Variants in UVSSA observed in about 807,000 individuals in gnomAD.
The protein encoded by UVSSA is UV-stimulated scaffold protein A.
UVSSA carries 72 observed loss-of-function variants against 73.9 expected under a neutral mutation model. The ratio of observed to expected loss-of-function variants is 0.97; its 90% CI spans 0.81 to 1.19. UVSSA has a LOEUF of 1.19. UVSSA is among the 50% of genes most tolerant of loss of function. UVSSA has a pLI of 0.00. For synonymous variants in UVSSA, 454 were observed against 391.3 expected, an observed-to-expected ratio of 1.16 and a Z score of -1.89; for missense variants, 1,150 against 965.0, an observed-to-expected ratio of 1.19 and a Z score of -2.54.
At position 1,353,258 on chromosome 4, in the gene UVSSA, C is replaced by G; in HGVS notation, c.779C>G (p.Ser260Cys). 1 of 1,611,648 alleles carries G rather than the reference C, an allele frequency of 6.2e-7. No homozygotes were observed. Among genetic ancestry groups the G allele is most frequent in the Non-Finnish European group, 8.5e-7 (1 of 1,179,848 alleles). Residue 260 changes from serine to cysteine, a missense_variant, in exon 5 of 14, where the codon TCT (serine) becomes TGT (cysteine). Ser to Cys is a moderately radical substitution (Grantham distance 112). Coordinates refer to ENST00000389851, the MANE Select transcript of UVSSA (RefSeq NM_020894.4). ...QPCCSRDLPA[S>C]AGHPRAGGGA... ...TGCTGCAGTAGAGACCTGCCTGCCT[C>G]TGCAGGCCACCCCAGAGCGGGCGGC...
chr4:1,343,679 C>T (rs1166710522), upstream of UVSSA, among the ~76,000 whole-genome samples: 2 of 151,946 alleles, frequency 1.3e-5, no homozygotes, highest in African/African-American at 2.4e-5. Context: ...CCCAGCTACT[C>T]GGGAGGCTGA....
At chr4:1,347,870 AGAGGTCCC>A (rs1380711436) in intron 1 of UVSSA, 110 bp downstream of exon 1, 19 of 543,436 alleles carry the variant, frequency 3.5e-5, no homozygotes, top group Middle Eastern at 4.9e-4. Context: ...ACGGGATTGT[AGAGGTCCC>A]GAGTTTAAGG....
intron 10 of UVSSA, among the ~76,000 whole-genome samples, chr4:1,378,666 T>C (rs1298263975): frequency 6.6e-6 from 1 of 151,966 alleles, no homozygotes; most frequent in Non-Finnish European, 1.5e-5. Flanking sequence ...GGCTCCTGAG[T>C]GTTCTCACTG....
Position 1,387,379 on chromosome 4 carries a change from T to C in UVSSA, c.*1418T>C, listed in dbSNP as rs529435826. 3.9e-5 allele frequency: 6 copies of C among 152,340 alleles called. No homozygotes were observed. Among genetic ancestry groups the C allele is most frequent in the African/African-American group, 1.4e-4 (6 of 41,580 alleles). The allele number at this position is 152,340 out of a possible 1,614,324, so 9.4% of individuals were successfully genotyped here. On this transcript the variant is annotated 3_prime_UTR_variant, in exon 14 of 14. Transcript: ENST00000389851. ...GTGTGAGCCACCGCACTCAGCTGATTTGCAAAAACTTTCTTCCATACTGTT... is the reference window on the plus strand; with the variant it reads ...GTGTGAGCCACCGCACTCAGCTGATCTGCAAAAACTTTCTTCCATACTGTT...
At chr4:1,381,087 T>G in intron 12 of UVSSA, 99 bp downstream of exon 12, 5 of 1,147,978 alleles carry the variant, frequency 4.4e-6, no homozygotes, top group Non-Finnish European at 6.2e-6. Flanking sequence ...GCACCCGCTC[T>G]GCCAGCTTCG....
intron 4 of UVSSA, among the ~76,000 whole-genome samples, chr4:1,352,495 T>A (rs112094038): frequency 1.5e-4 from 23 of 152,304 alleles, no homozygotes; most frequent in African/African-American, 5.3e-4. Context: ...AGGTGTGGCA[T>A]GAACGAGGCT....
At chr4:1,359,891 G>A (rs1488364058) in intron 7 of UVSSA, among the ~76,000 whole-genome samples, 1 of 152,180 alleles carries the variant, frequency 6.6e-6, no homozygotes, top group Non-Finnish European at 1.5e-5. Flanking sequence ...CCCTGGGATC[G>A]AGGCCCCACC....
At chr4:1,384,328 G>A (rs1719857179) in intron 13 of UVSSA, 1 of 227,558 alleles carries the variant, frequency 4.4e-6, no homozygotes, top group African/African-American at 2.3e-5. Context: ...TGACTTCAGG[G>A]AGGGCGATGA....
upstream of UVSSA, among the ~76,000 whole-genome samples, chr4:1,347,033 G>A (rs1181360858): frequency 3.9e-5 from 6 of 152,210 alleles, no homozygotes; most frequent in Non-Finnish European, 8.8e-5. Flanking sequence ...CTAGGGGGCG[G>A]GGCCTTGACC....
intron 5 of UVSSA, among the ~76,000 whole-genome samples, chr4:1,354,009 G>A (rs1042626785): frequency 3.3e-5 from 5 of 152,204 alleles, no homozygotes; most frequent in African/African-American, 9.7e-5. Context: ...GTGGAGGCTG[G>A]GGCCCTTTGC....
At position 1,348,160 on chromosome 4, in the gene UVSSA, G is replaced by C. The variant is rs1289531876; in HGVS notation, c.69G>C (p.Glu23Asp). 6.2e-7 allele frequency: 1 copy of C among 1,613,784 alleles called. No individual in the cohort carries two copies. Among genetic ancestry groups the C allele is most frequent in the African/African-American group, 1.3e-5 (1 of 74,922 alleles). The change falls in exon 2 of 14, where the codon GAG (glutamate) becomes GAC (aspartate). Residue 23 changes from glutamate (E) to aspartate (D), a missense_variant. Transcript: ENST00000389851. ...TTSGEPRLNPEKMKELKKICK... is the reference protein window; with the variant it reads ...TTSGEPRLNPDKMKELKKICK... ...CAGGAGAACCCCGACTAAATCCTGA[G>C]AAAATGAAGGAACTGAAGAAAATTT...
Position 1,355,251 on chromosome 4 carries a change from T to C in UVSSA, c.1176+6T>C, listed in dbSNP as rs1009639178. 4.4e-6 allele frequency: 7 copies of C among 1,578,304 alleles called. No individual in the cohort carries two copies. In the Admixed American group the frequency reaches 5.2e-5, roughly 12 times the overall value. ...AGGGAGGGGAAAGGCGCAGGGTGAG[T>C]GGGCAGGCGGCGAGCGGGAAGGGGT... On this transcript the variant is annotated splice_donor_region_variant and intron_variant, in intron 7 of 13. Coordinates refer to ENST00000389851, the MANE Select transcript of UVSSA (RefSeq NM_020894.4).
downstream of UVSSA, chr4:1,391,829 AGTGT>A (rs926611129): frequency 1.3e-5 from 2 of 152,194 alleles, no homozygotes; most frequent in Non-Finnish European, 2.9e-5. Context: ...CTGAATCAAA[AGTGT>A]GTTTCTTGTA....
downstream of UVSSA, chr4:1,390,091 A>G (rs182904109): frequency 1.3e-5 from 2 of 152,146 alleles, no homozygotes; most frequent in African/African-American, 4.8e-5. Context: ...AATCTTTTTC[A>G]TATAGACATT....
At chr4:1,346,762 C>T (rs1024958596), upstream of UVSSA, among the ~76,000 whole-genome samples, 2 of 152,118 alleles carry the variant, frequency 1.3e-5, no homozygotes, top group African/African-American at 4.8e-5. Context: ...GCGGGCGTGG[C>T]GTTGAGGCCC....
At chr4:1,388,180 C>G (rs1292183910), downstream of UVSSA, 1 of 151,932 alleles carries the variant, frequency 6.6e-6, no homozygotes, top group Non-Finnish European at 1.5e-5. Context: ...TGATTTATAA[C>G]CAAAAGGACT....
Position 1,385,970 on chromosome 4 carries a change from G to T in UVSSA, c.*9G>T. On this transcript the variant is annotated 3_prime_UTR_variant, in exon 14 of 14. Coordinates refer to ENST00000389851, the MANE Select transcript of UVSSA (RefSeq NM_020894.4). ...ACTACGCACTGAACTAGAGAGCGGG[G>T]CCCAGTGCACTGGCCATCAGCACTT... 1 of 1,613,836 alleles carries T rather than the reference G, an allele frequency of 6.2e-7. No homozygotes were observed. The highest frequency in any genetic ancestry group is 1.1e-5 in the South Asian group (1 of 91,080).
chr4:1,382,965 G>C (rs554622388), intron 12 of UVSSA, among the ~76,000 whole-genome samples: 1 of 152,202 alleles, frequency 6.6e-6, no homozygotes, highest in Non-Finnish European at 1.5e-5. Flanking sequence ...TGGCCTTCCC[G>C]AGCCCGACCA....
chr4:1,390,302 T>C (rs1180854510), downstream of UVSSA: 2 of 152,230 alleles, frequency 1.3e-5, no homozygotes, highest in African/African-American at 4.8e-5. Context: ...TATTGACTTC[T>C]TTTCTTATTT....
Sources: allele counts gnomAD v4.1 joint callset (sites outside exome capture counted in the v4.1 genomes callset), GRCh38; gene constraint gnomAD v4.1.1; transcripts MANE v1.5; gene names NCBI Gene and HGNC (gene_info 2026-07-23, HGNC 2026-07-21).